Variants in EFTUD2 observed in about 807,000 individuals in gnomAD.
EFTUD2 encodes elongation factor Tu GTP binding domain containing 2, also known as 116 kDa U5 small nuclear ribonucleoprotein component.
EFTUD2 carries 9 observed loss-of-function variants against 114.3 expected under a neutral mutation model. The ratio of observed to expected loss-of-function variants is 0.08; its 90% CI spans 0.05 to 0.14. The LOEUF (loss-of-function observed/expected upper bound fraction) is 0.14. EFTUD2 is among the 10% of genes least tolerant of loss of function. The pLI is 1.00. For missense variants in EFTUD2, 765 were observed against 1,241.2 expected (o/e 0.62, Z 5.76); for synonymous variants, 449 against 462.3 (o/e 0.97, Z 0.37).
At chr17:44,899,135 C>T (rs1300603591) in intron 1 of EFTUD2, 1 of 152,210 alleles carries the variant, frequency 6.6e-6, no homozygotes, top group African/African-American at 2.4e-5. Flanking sequence ...CGGACTGAGG[C>T]TATAGAGGCA....
chr17:44,853,719 C>T (rs1357609564), intron 23 of EFTUD2, 84 bp from the exon 24 acceptor site: 2 of 1,581,374 alleles, frequency 1.3e-6, no homozygotes, highest in Non-Finnish European at 1.7e-6. Context: ...TCCTGCAACA[C>T]TGCAGCTGTC....
chr17:44,883,255 G>A, intron 5 of EFTUD2, 97 bp from the exon 6 acceptor site: 2 of 1,165,162 alleles, frequency 1.7e-6, no homozygotes, highest in South Asian at 2.7e-5. Flanking sequence ...TTAGGGATAA[G>A]GAGAGAAAAA....
chr17:44,894,095 G>A, intron 2 of EFTUD2: 1 of 224,246 alleles, frequency 4.5e-6, no homozygotes, highest in Non-Finnish European at 8.8e-6. Flanking sequence ...AAAAGAGGGG[G>A]CTGGGCATGG....
At chr17:44,881,851 G>C in intron 6 of EFTUD2, 129 bp from the exon 7 acceptor site, 1 of 818,926 alleles carries the variant, frequency 1.2e-6, no homozygotes, top group Non-Finnish European at 2.0e-6. Context: ...AGAGAGAGCA[G>C]GGTGTCCCCA....
Position 44,894,505 on chromosome 17 carries a change from T to C in EFTUD2, c.17A>G (p.Tyr6Cys). ...TCCAATATAATTCCCAAACTCATCATATAAGTCGGTATCCATGATGCTAAA... is the reference window on the plus strand; with the variant it reads ...TCCAATATAATTCCCAAACTCATCACATAAGTCGGTATCCATGATGCTAAA... MDTDL[Y>C]DEFGNYIGPE... Residue 6 changes from tyrosine to cysteine, a missense_variant, in exon 2 of 28, where the codon TAT (tyrosine) becomes TGT (cysteine). Physicochemically the swap from Tyr to Cys is radical, Grantham distance 194. Around this residue, in one of 6 missense-constraint regions of EFTUD2, gnomAD observed 121 missense variants for 133.7 expected, o/e 0.90. Coordinates refer to ENST00000426333, the MANE Select transcript of EFTUD2 (RefSeq NM_004247.4). 6.2e-7 allele frequency: 1 copy of C among 1,613,736 alleles called. No homozygotes were observed. The highest frequency in any genetic ancestry group is 1.1e-5 in the South Asian group (1 of 91,076).
intron 2 of EFTUD2, among the ~76,000 whole-genome samples, chr17:44,893,371 T>C (rs1409459936): frequency 6.6e-6 from 1 of 152,342 alleles, no homozygotes; most frequent in East Asian, 1.9e-4. Context: ...TCTGACCACC[T>C]TGGCCTCCCA....
intron 27 of EFTUD2, 145 bp downstream of exon 27, chr17:44,851,565 T>C: frequency 2.1e-6 from 2 of 959,304 alleles, no homozygotes; most frequent in Admixed American, 2.6e-5. Context: ...GGGGCCCAGG[T>C]TTGGTTGCCT....
Position 44,868,088 on chromosome 17 carries a change from T to C in EFTUD2, c.1059-191A>G, listed in dbSNP as rs191100279. On this transcript the variant is annotated intron_variant, in intron 12 of 27. Coordinates refer to ENST00000426333, the MANE Select transcript of EFTUD2 (RefSeq NM_004247.4). The stretch of plus-strand genomic sequence containing the variant: ...CCTCCTGGATGCCTGAGCTGGGCTG[T>C]AAAGACTTCAGGAGAAACAGCTTCT... Among the ~76,000 whole-genome samples, 119 of 150,788 alleles carry C rather than the reference T, an allele frequency of 7.9e-4. 1 individual carries two copies. In the East Asian group the frequency reaches 9.5e-3, roughly 12 times the overall value.
chr17:44,869,162 A>G (rs965619970), intron 11 of EFTUD2, among the ~76,000 whole-genome samples: 1 of 152,102 alleles, frequency 6.6e-6, no homozygotes, highest in Non-Finnish European at 1.5e-5. Flanking sequence ...GCTAAACTCA[A>G]AATCTTTTTC....
chr17:44,859,871 G>A (rs1165851309), intron 18 of EFTUD2, 34 bp downstream of exon 18: 1 of 1,613,332 alleles, frequency 6.2e-7, no homozygotes, highest in Non-Finnish European at 8.5e-7. Flanking sequence ...TGGGGATAGT[G>A]GGGCTTGGCG....
At chr17:44,862,927 C>A in intron 15 of EFTUD2, 21 bp from the exon 16 acceptor site, 1 of 1,592,340 alleles carries the variant, frequency 6.3e-7, no homozygotes, top group Non-Finnish European at 8.6e-7. Flanking sequence ...GGACAGGGTG[C>A]AGCTTCAACC....
intron 20 of EFTUD2, 151 bp from the exon 21 acceptor site, chr17:44,855,155 C>A: frequency 1.4e-6 from 1 of 708,588 alleles, no homozygotes; most frequent in South Asian, 1.6e-5. Flanking sequence ...GTAATCCCAG[C>A]ACTTTGAGAG....
At chr17:44,885,756 C>T (rs562790225) in intron 3 of EFTUD2, among the ~76,000 whole-genome samples, 1 of 152,208 alleles carries the variant, frequency 6.6e-6, no homozygotes, top group South Asian at 2.1e-4. Flanking sequence ...CTCAGTCTCC[C>T]GAGTTGCCAG....
At chr17:44,887,833 C>T (rs766641443) in intron 2 of EFTUD2, among the ~76,000 whole-genome samples, 3 of 152,158 alleles carry the variant, frequency 2.0e-5, no homozygotes, top group Non-Finnish European at 4.4e-5. Flanking sequence ...TCAAATCTGC[C>T]TCCTTACAAA....
At chr17:44,883,980 G>A (rs1658648455) in intron 4 of EFTUD2, 1 of 460,712 alleles carries the variant, frequency 2.2e-6, no homozygotes, top group Non-Finnish European at 4.0e-6. Flanking sequence ...AAAAAAGGAA[G>A]AAGAGGCTGG....
At chr17:44,888,807 T>A (rs78357708) in intron 2 of EFTUD2, among the ~76,000 whole-genome samples, 1,855 of 152,066 alleles carry the variant, frequency 0.012, 39 homozygotes, top group African/African-American at 0.042. Flanking sequence ...AGTACTTAGG[T>A]GTGAGTTAAC....
At chr17:44,886,461 C>A in intron 3 of EFTUD2, 124 bp downstream of exon 3, 2 of 1,475,502 alleles carry the variant, frequency 1.4e-6, no homozygotes, top group Admixed American at 2.4e-5. Context: ...AAACCAGAAA[C>A]AGTACCTGAA....
At chr17:44,876,291 C>A (rs567933169) in intron 9 of EFTUD2, among the ~76,000 whole-genome samples, 191 bp from the exon 10 acceptor site, 1 of 152,094 alleles carries the variant, frequency 6.6e-6, no homozygotes, top group Non-Finnish European at 1.5e-5. Flanking sequence ...GGGCACCTTG[C>A]AGGATTGAGA....
rs1201900047 is a variant in EFTUD2 at position 44,850,731 on chromosome 17, G to C, written c.*543C>G. On this transcript the variant is annotated 3_prime_UTR_variant, in exon 28 of 28. Coordinates refer to ENST00000426333, the MANE Select transcript of EFTUD2 (RefSeq NM_004247.4). ...AGTGGGAGCAAGGGGGCAATAATGGGGCCTTGGCGCTCATGGGAACACTGA... is the reference window on the plus strand; with the variant it reads ...AGTGGGAGCAAGGGGGCAATAATGGCGCCTTGGCGCTCATGGGAACACTGA... 3.9e-6 allele frequency: 1 copy of C among 254,448 alleles called. No homozygotes were observed. Among genetic ancestry groups the C allele is most frequent in the Non-Finnish European group, 7.7e-6 (1 of 129,076 alleles). The allele number at this position is 254,448 out of a possible 1,614,324, so 15.8% of individuals were successfully genotyped here. A position where few individuals can be genotyped will look rare whatever the true frequency, so the allele number is the denominator to read the frequency against.
Sources: gnomAD v4.1 joint callset for allele counts (sites outside exome capture counted in the v4.1 genomes callset) on GRCh38, gnomAD v4.1.1 for gene constraint, gnomAD v4.1.1 regional missense constraint, MANE v1.5 for transcripts, NCBI Gene and HGNC (gene_info 2026-07-23, HGNC 2026-07-21) for gene names.